RPRD1A: variants seen among roughly 807,000 people sequenced by gnomAD.
The protein encoded by RPRD1A is regulation of nuclear pre-mRNA domain containing 1A.
A neutral mutation model predicts 37.8 loss-of-function variants in RPRD1A; 9 were observed. The ratio of observed to expected loss-of-function variants is 0.24; its 90% CI spans 0.14 to 0.42. RPRD1A has a LOEUF of 0.42. RPRD1A is among the 10% of genes least tolerant of loss of function. The pLI is 1.00. For missense variants in RPRD1A, 255 were observed against 371.0 expected, an observed-to-expected ratio of 0.69 and a Z score of 2.57; for synonymous variants, 138 against 139.7, an observed-to-expected ratio of 0.99 and a Z score of 0.08.
intron 6 of RPRD1A, among the ~76,000 whole-genome samples, chr18:36,021,115 A>T (rs1910964640): frequency 6.6e-6 from 1 of 152,264 alleles, no homozygotes; most frequent in Non-Finnish European, 1.5e-5. Context: ...TTAAGAAACT[A>T]GTCACATGCT....
At chr18:36,020,482 C>G (rs1038775738) in intron 6 of RPRD1A, among the ~76,000 whole-genome samples, 4 of 152,130 alleles carry the variant, frequency 2.6e-5, no homozygotes, top group African/African-American at 9.7e-5. Flanking sequence ...GGCAATAAGA[C>G]TGGTTAACAG....
chr18:36,006,744 G>T (rs1909772343), intron 6 of RPRD1A, among the ~76,000 whole-genome samples: 1 of 152,158 alleles, frequency 6.6e-6, no homozygotes, highest in African/African-American at 2.4e-5. Context: ...TAGCCAGAAA[G>T]GGGTAACAAT....
chr18:36,010,007 A>G (rs536821081), intron 6 of RPRD1A, among the ~76,000 whole-genome samples: 2 of 152,200 alleles, frequency 1.3e-5, no homozygotes, highest in Non-Finnish European at 2.9e-5. Flanking sequence ...CAGACATGTA[A>G]TGTAGTATGT....
chr18:35,992,850 CAAG>C lies in RPRD1A; in HGVS notation c.*298_*300del. The C allele has an allele frequency of 4.5e-6, 1 of 220,616 alleles. No homozygotes were observed. Among genetic ancestry groups the C allele is most frequent in the Non-Finnish European group, 8.8e-6 (1 of 113,918 alleles). The allele number at this position is 220,616 out of a possible 1,614,324, so 13.7% of individuals were successfully genotyped here. Reference sequence around the variant, plus strand: ...TTGAAAATACCTGAAGAAATACAAACAAGAGATTTCTCACAAGGCCTTGGATCA... The same window carrying C: ...TTGAAAATACCTGAAGAAATACAAACAGATTTCTCACAAGGCCTTGGATCA... On this transcript the variant is annotated 3_prime_UTR_variant, in exon 7 of 7. Transcript: ENST00000399022.
intron 1 of RPRD1A, among the ~76,000 whole-genome samples, chr18:36,056,572 G>A (rs1913784219): frequency 6.6e-6 from 1 of 152,082 alleles, no homozygotes; most frequent in Non-Finnish European, 1.5e-5. Context: ...ACAGGTGTGA[G>A]CCACCATGCC....
intron 1 of RPRD1A, chr18:36,040,912 AT>A: frequency 9.1e-7 from 1 of 1,102,202 alleles, no homozygotes; most frequent in African/African-American, 1.6e-5. Flanking sequence ...ACCTTCTAGA[AT>A]TAAATAGTTC....
intron 1 of RPRD1A, among the ~76,000 whole-genome samples, chr18:36,035,423 G>A (rs549143075): frequency 1.3e-5 from 2 of 152,104 alleles, no homozygotes; most frequent in African/African-American, 4.8e-5. Context: ...AACAAACAAA[G>A]CCAAAAACAT....
In RPRD1A at chr18:36,061,432, G is replaced by A. The variant is rs533675067; in HGVS notation, c.151+5822C>T. Among the ~76,000 whole-genome samples the A allele has an allele frequency of 2.0e-5, 3 of 152,278 alleles. No homozygotes were observed. In the South Asian group the frequency reaches 6.2e-4, roughly 32 times the overall value. ...CAAAGGATACAATCACTAGACTAGG[G>A]AAGGCAGTGACCTTCACCAACTACA... On this transcript the variant is annotated intron_variant, in intron 1 of 6. Transcript: ENST00000399022.
chr18:36,057,051 CAAAAAAAAAAA>C (rs35428437), intron 1 of RPRD1A, among the ~76,000 whole-genome samples: 484 of 44,748 alleles, frequency 0.011, 8 homozygotes, highest in African/African-American at 0.037. Flanking sequence ...CCTGTTTCTA[CAAAAAAAAAAA>C]AAAAAAAAAA....
intron 1 of RPRD1A, among the ~76,000 whole-genome samples, chr18:36,035,668 C>G (rs570323868): frequency 5.9e-5 from 9 of 152,294 alleles, no homozygotes; most frequent in African/African-American, 2.2e-4. Flanking sequence ...CAGCATTATT[C>G]ACAATAGCCA....
chr18:36,015,544 T>C (rs1200317104), intron 6 of RPRD1A, among the ~76,000 whole-genome samples: 1 of 152,156 alleles, frequency 6.6e-6, no homozygotes, highest in Non-Finnish European at 1.5e-5. Context: ...AGCAGCATTA[T>C]TCACAATAGC....
intron 1 of RPRD1A, among the ~76,000 whole-genome samples, chr18:36,049,332 A>G (rs921003129): frequency 6.6e-6 from 1 of 152,160 alleles, no homozygotes; most frequent in Admixed American, 6.5e-5. Flanking sequence ...TCTTTTTTAA[A>G]CTGTGTGTGG....
intron 6 of RPRD1A, among the ~76,000 whole-genome samples, chr18:36,008,048 C>G (rs1026201542): frequency 1.3e-5 from 2 of 152,084 alleles, no homozygotes; most frequent in African/African-American, 2.4e-5. Flanking sequence ...TTGAGACCAG[C>G]CTGGGAAATA....
intron 6 of RPRD1A, among the ~76,000 whole-genome samples, chr18:36,022,269 T>C (rs1208492016): frequency 6.6e-6 from 1 of 152,080 alleles, no homozygotes; most frequent in East Asian, 1.9e-4. Flanking sequence ...AAGTGCAGAG[T>C]GAAGCAGCAA....
At position 36,033,299 on chromosome 18, in the gene RPRD1A, C is replaced by CCAAAAAAAA. The variant is rs1348356259; in HGVS notation, c.281+408_281+409insTTTTTTTTG. 1.2e-3 allele frequency among the ~76,000 whole-genome samples: 88 copies of CCAAAAAAAA among 75,928 alleles called. 2 individuals are homozygous for CCAAAAAAAA. The highest frequency in any genetic ancestry group is 4.9e-3 in the African/African-American group (84 of 17,188). 49.8% of individuals were successfully genotyped at this position (75,928 alleles called of 152,430 possible). A position where few individuals can be genotyped will look rare whatever the true frequency, so the allele number is the denominator to read the frequency against. On this transcript the variant is annotated intron_variant, in intron 2 of 6. Coordinates refer to ENST00000399022, the MANE Select transcript of RPRD1A (RefSeq NM_018170.5). Reference sequence around the variant, plus strand: ...CCTGGGTGAGAGTGAGACTCTGTCTCAAAAAAAAAAAAAAAAAAAAAAAAA... The same window carrying CCAAAAAAAA: ...CCTGGGTGAGAGTGAGACTCTGTCTCCAAAAAAAAAAAAAAAAAAAAAAAAAAAAAAAAA...
intron 1 of RPRD1A, chr18:36,040,932 A>G (rs1443941646): frequency 5.3e-6 from 5 of 948,460 alleles, no homozygotes; most frequent in African/African-American, 1.7e-5. Flanking sequence ...TCTTTACAGT[A>G]ATTGTCTTTC....
chr18:36,002,264 C>A (rs1348424483), intron 6 of RPRD1A, among the ~76,000 whole-genome samples: 1 of 152,126 alleles, frequency 6.6e-6, no homozygotes, highest in African/African-American at 2.4e-5. Flanking sequence ...CAAATGGTAC[C>A]AAAATTCTTG....
At chr18:36,021,794 G>C (rs77154232) in intron 6 of RPRD1A, among the ~76,000 whole-genome samples, 8,876 of 152,250 alleles carry the variant, frequency 0.058, 297 homozygotes, top group Non-Finnish European at 0.082. Context: ...GAGTCCAGAA[G>C]GTCAAGACCA....
chr18:36,037,656 G>A (rs1202954512), intron 1 of RPRD1A, among the ~76,000 whole-genome samples: 2 of 152,294 alleles, frequency 1.3e-5, no homozygotes, highest in African/African-American at 2.4e-5. Flanking sequence ...CAGTTTGGAG[G>A]GCTCTGAAGA....
Sources: allele counts gnomAD v4.1 joint callset (sites outside exome capture counted in the v4.1 genomes callset), GRCh38; gene constraint gnomAD v4.1.1; transcripts MANE v1.5; gene names NCBI Gene and HGNC (gene_info 2026-07-23, HGNC 2026-07-21).